Variants in KLF12 observed in about 807,000 individuals in gnomAD.
The protein encoded by KLF12 is Krueppel-like factor 12.
Under a neutral mutation model 37.8 loss-of-function variants are expected in KLF12, and 9 were observed. That is an observed-to-expected ratio of 0.24 (90% CI 0.14 to 0.42). KLF12 has a LOEUF of 0.42. Among genes scored for constraint, KLF12 ranks in the 10% least tolerant of loss-of-function variants. The pLI, the probability that KLF12 is intolerant of heterozygous loss-of-function variation, is 1.00. For missense variants in KLF12, 411 were observed against 516.0 expected (o/e 0.80, Z 1.97); for synonymous variants, 208 against 202.1 (o/e 1.03, Z -0.25).
At chr13:74,257,981 G>C in the KLF12 span, 1 of 152,016 alleles carries the variant, frequency 6.6e-6, no homozygotes, top group African/African-American at 2.4e-5. Context: ...ATTACCAGAG[G>C]GTAGGGAACT....
At chr13:73,725,693 T>C (rs17090381) in intron 6 of KLF12, among the ~76,000 whole-genome samples, 4,696 of 152,002 alleles carry the variant, frequency 0.031, 116 homozygotes, top group South Asian at 0.075. Context: ...ATTCCATTTA[T>C]AGGACTTAAC....
chr13:73,897,447 T>C (rs1232647520), intron 3 of KLF12, among the ~76,000 whole-genome samples: 1 of 152,172 alleles, frequency 6.6e-6, no homozygotes, highest in African/African-American at 2.4e-5. Context: ...ACTAAATCCA[T>C]CAGCTCCCCC....
chr13:74,024,134 A>G (rs1168912721), intron 1 of KLF12, among the ~76,000 whole-genome samples: 3 of 152,224 alleles, frequency 2.0e-5, no homozygotes, highest in African/African-American at 7.2e-5. Context: ...TCCAATAGAT[A>G]CACTGTCATA....
At chr13:73,963,423 A>T (rs1193502683) in intron 2 of KLF12, among the ~76,000 whole-genome samples, 1 of 152,004 alleles carries the variant, frequency 6.6e-6, no homozygotes, top group East Asian at 1.9e-4. Flanking sequence ...AAACCATCGC[A>T]GGCATTGAGA....
chr13:74,192,082 A>G, the KLF12 span, among the ~76,000 whole-genome samples: 1 of 152,148 alleles, frequency 6.6e-6, no homozygotes. Context: ...AACAAAAGGC[A>G]GCAAACTGAT....
intron 7 of KLF12, 115 bp from the exon 8 acceptor site, chr13:73,695,786 T>C: frequency 1.0e-6 from 1 of 1,004,332 alleles, no homozygotes; most frequent in South Asian, 1.6e-5. Context: ...CGTTGGTAAA[T>C]CTTTGTCGGG....
intron 4 of KLF12, among the ~76,000 whole-genome samples, chr13:73,832,970 T>G (rs1460887679): frequency 6.6e-6 from 1 of 152,090 alleles, no homozygotes; most frequent in East Asian, 1.9e-4. Context: ...GAATATAGAG[T>G]CTGGAGAGGT....
chr13:73,987,004 G>T (rs947239571), intron 2 of KLF12, among the ~76,000 whole-genome samples: 1 of 151,934 alleles, frequency 6.6e-6, no homozygotes, highest in African/African-American at 2.4e-5. Context: ...CAAATTAAAA[G>T]CCTTTAATAA....
At position 73,687,350 on chromosome 13, in the gene KLF12, A is replaced by T. The variant is rs1401418629; in HGVS notation, c.*8140T>A. The T allele has an allele frequency of 6.5e-6, 1 of 152,682 alleles. No homozygotes were observed. The highest frequency in any genetic ancestry group is 1.5e-5 in the Non-Finnish European group (1 of 68,046). 9.5% of individuals were successfully genotyped at this position (152,682 alleles called of 1,614,324 possible). The stretch of plus-strand genomic sequence containing the variant: ...TACAGTCACTACCCCACAGGGGGAC[A>T]GTGATTTTTCAAAATGAAGCTTTAA... On this transcript the variant is annotated 3_prime_UTR_variant, in exon 8 of 8. Transcript: ENST00000377669.
chr13:74,101,332 A>G (rs1310748838), intron 1 of KLF12, among the ~76,000 whole-genome samples: 1 of 152,214 alleles, frequency 6.6e-6, no homozygotes, highest in Non-Finnish European at 1.5e-5. Flanking sequence ...GCGCTTGCAC[A>G]TGAATAACTT....
rs762237052 is a variant in KLF12, at chr13:73,817,334, G to GAAAAC, written c.671-4048_671-4047insGTTTT. Among the ~76,000 whole-genome samples, 105 of 84,690 alleles carry GAAAAC rather than the reference G, an allele frequency of 1.2e-3. 1 individual carries two copies. Among genetic ancestry groups the GAAAAC allele is most frequent in the Non-Finnish European group, 1.7e-3 (68 of 39,090 alleles). 55.6% of individuals were successfully genotyped at this position (84,690 alleles called of 152,430 possible). On this transcript the variant is annotated intron_variant, in intron 4 of 7. Coordinates refer to ENST00000377669, the MANE Select transcript of KLF12 (RefSeq NM_007249.5). ...ATCCTGTTTCAAAAAAAAAAGAAAAGAAAAAAAAGAAAAACAAAAAAAAAA... is the reference window on the plus strand; with the variant it reads ...ATCCTGTTTCAAAAAAAAAAGAAAAGAAAACAAAAAAAAGAAAAACAAAAAAAAAA...
At chr13:73,941,584 A>T (rs1566473454) in intron 3 of KLF12, among the ~76,000 whole-genome samples, 1 of 152,214 alleles carries the variant, frequency 6.6e-6, no homozygotes. Context: ...TCTGAACATT[A>T]TATGGTATAT....
chr13:74,085,918 G>T (rs1292442332), intron 1 of KLF12, among the ~76,000 whole-genome samples: 1 of 151,912 alleles, frequency 6.6e-6, no homozygotes, highest in East Asian at 1.9e-4. Context: ...TAAAGCAAAG[G>T]ATTACCTGCA....
chr13:73,929,775 A>T (rs1338313402), intron 3 of KLF12, among the ~76,000 whole-genome samples: 1 of 152,192 alleles, frequency 6.6e-6, no homozygotes, highest in African/African-American at 2.4e-5. Context: ...GCACTTGCCC[A>T]AACAGCTGTT....
chr13:73,696,790 C>A (rs1029801405), intron 7 of KLF12, among the ~76,000 whole-genome samples: 1 of 152,184 alleles, frequency 6.6e-6, no homozygotes, highest in African/African-American at 2.4e-5. Context: ...ATGTGCATGG[C>A]TCTCAATCCA....
At chr13:73,909,020 A>G (rs908112688) in intron 3 of KLF12, among the ~76,000 whole-genome samples, 1 of 152,252 alleles carries the variant, frequency 6.6e-6, no homozygotes, top group Non-Finnish European at 1.5e-5. Context: ...GCCAGAGTAT[A>G]AAGACCATAC....
chr13:74,025,128 T>A (rs1892942506), intron 1 of KLF12, among the ~76,000 whole-genome samples: 1 of 152,150 alleles, frequency 6.6e-6, no homozygotes, highest in African/African-American at 2.4e-5. Flanking sequence ...GTCTTAGAAG[T>A]CATGAACAAA....
Position 73,691,111 on chromosome 13 carries a change from G to A in KLF12, c.*4379C>T, listed in dbSNP as rs74366070. On this transcript the variant is annotated 3_prime_UTR_variant, in exon 8 of 8. Transcript: ENST00000377669. ...AGTAACTCACATTTCTAGACAGCAC[G>A]GATTATTACAAATTCTTTTTAAAAA... 6,975 of 152,660 alleles carry A rather than the reference G, an allele frequency of 0.046. 181 individuals are homozygous for A. The highest frequency in any genetic ancestry group is 0.095 in the Middle Eastern group (28 of 294). The allele number at this position is 152,660 out of a possible 1,614,324, so 9.5% of individuals were successfully genotyped here.
intron 3 of KLF12, among the ~76,000 whole-genome samples, chr13:73,889,626 A>G (rs910248958): frequency 2.1e-4 from 32 of 152,312 alleles, no homozygotes; most frequent in African/African-American, 7.2e-4. Context: ...TAAAAAACTC[A>G]TATTTTGAAG....
Sources: gnomAD v4.1 joint callset for allele counts (sites outside exome capture counted in the v4.1 genomes callset) on GRCh38, gnomAD v4.1.1 for gene constraint, MANE v1.5 for transcripts, NCBI Gene and HGNC (gene_info 2026-07-23, HGNC 2026-07-21) for gene names.